Variants in NRXN3 observed in about 807,000 individuals in gnomAD.
NRXN3 encodes neurexin 3, also known as neurexin III.
Under a neutral mutation model 137.6 loss-of-function variants are expected in NRXN3, and 32 were observed. That is an observed-to-expected ratio of 0.23 (90% CI 0.18 to 0.31). NRXN3 has a LOEUF of 0.31. Ranked by LOEUF, NRXN3 falls within the 10% of genes least tolerant of loss-of-function variation. The probability of loss-of-function intolerance (pLI) is 1.00; values close to 1 mark genes in which losing one functional copy is unlikely to be tolerated. For synonymous variants in NRXN3, 798 were observed against 784.5 expected, an observed-to-expected ratio of 1.02 and a Z score of -0.29; for missense variants, 1,574 against 2,062.5, an observed-to-expected ratio of 0.76 and a Z score of 4.59.
intron 6 of NRXN3, among the ~76,000 whole-genome samples, chr14:78,663,566 T>C (rs149069471): frequency 3.2e-4 from 48 of 152,350 alleles, no homozygotes; most frequent in Non-Finnish European, 5.6e-4. Flanking sequence ...TGTTTCTTTT[T>C]GTTCCAGCCT....
chr14:78,645,151 C>T lies in NRXN3; in HGVS notation c.789C>T (p.Gly263=), dbSNP rs200404474. ...AREENVATFR[G]SEYLCYDLSQ... ...AGGAGAATGTGGCCACTTTCCGAGG[C>T]TCAGAGTATCTGTGCTACGACCTGT... Residue 263 remains glycine, a synonymous_variant, in exon 5 of 21, where the codon GGC becomes GGT. Coordinates refer to ENST00000335750, the MANE Select transcript of NRXN3 (RefSeq NM_001330195.2). The T allele has an allele frequency of 6.3e-7, 1 of 1,579,580 alleles. No individual in the cohort carries two copies. The highest frequency in any genetic ancestry group is 1.1e-5 in the South Asian group (1 of 88,346).
intron 4 of NRXN3, among the ~76,000 whole-genome samples, chr14:78,398,737 G>T (rs144668362): frequency 6.4e-4 from 97 of 152,316 alleles, no homozygotes; most frequent in African/African-American, 2.2e-3. Context: ...ACCCCGAGGG[G>T]ATGGGGAGTG....
At chr14:79,706,039 A>G (rs2098777262) in intron 19 of NRXN3, among the ~76,000 whole-genome samples, 1 of 152,148 alleles carries the variant, frequency 6.6e-6, no homozygotes, top group Non-Finnish European at 1.5e-5. Context: ...CACAATATTT[A>G]CAGGCTGAAT....
intron 15 of NRXN3, among the ~76,000 whole-genome samples, chr14:79,294,217 A>G (rs1187557205): frequency 6.6e-6 from 1 of 152,186 alleles, no homozygotes; most frequent in African/African-American, 2.4e-5. Context: ...ATTTTCTCGC[A>G]CACATTAGGT....
At chr14:79,066,045 GTT>G (rs1437057376) in intron 15 of NRXN3, among the ~76,000 whole-genome samples, 5 of 152,076 alleles carry the variant, frequency 3.3e-5, no homozygotes, top group Non-Finnish European at 7.4e-5. Flanking sequence ...TGCTTTTGGC[GTT>G]TTTGTCATGA....
intron 4 of NRXN3, among the ~76,000 whole-genome samples, chr14:78,606,578 A>G (rs1004920233): frequency 3.9e-5 from 6 of 152,226 alleles, no homozygotes; most frequent in African/African-American, 1.4e-4. Flanking sequence ...GAACTTCTTA[A>G]GTGAAAAGCC....
intron 10 of NRXN3, among the ~76,000 whole-genome samples, chr14:78,920,508 A>G (rs779305412): frequency 2.0e-4 from 31 of 152,150 alleles, no homozygotes; most frequent in Non-Finnish European, 3.8e-4. Context: ...CACTTCTCCA[A>G]TTCTCTGACA....
Position 79,516,098 on chromosome 14 carries a change from G to T in NRXN3, c.3444+48696G>T, listed in dbSNP as rs560180730. On this transcript the variant is annotated intron_variant, in intron 16 of 20. Coordinates refer to ENST00000335750, the MANE Select transcript of NRXN3 (RefSeq NM_001330195.2). ...AGGACTCCAGTGAGCCACAGCTCTG[G>T]CTCTTTTCCTCTGGGGCACTACAAA... 6.0e-4 allele frequency among the ~76,000 whole-genome samples: 91 copies of T among 152,284 alleles called. 1 individual carries two copies. The highest frequency in any genetic ancestry group is 2.0e-3 in the African/African-American group (84 of 41,572).
At chr14:79,306,373 C>T (rs559350305) in intron 15 of NRXN3, among the ~76,000 whole-genome samples, 3 of 152,164 alleles carry the variant, frequency 2.0e-5, no homozygotes, top group South Asian at 2.1e-4. Context: ...CCCTCAACAT[C>T]GTGCACCTTG....
At chr14:78,765,078 T>G (rs571348774) in intron 8 of NRXN3, among the ~76,000 whole-genome samples, 50 of 144,604 alleles carry the variant, frequency 3.5e-4, no homozygotes, top group South Asian at 8.7e-4. Context: ...TATGGTCACC[T>G]CTGTAGAGGA....
chr14:78,418,512 T>C (rs1339510982), intron 4 of NRXN3, among the ~76,000 whole-genome samples: 2 of 152,138 alleles, frequency 1.3e-5, no homozygotes, highest in East Asian at 3.9e-4. Flanking sequence ...GCCTAGAACA[T>C]GGGACTCCCC....
intron 14 of NRXN3, among the ~76,000 whole-genome samples, chr14:78,987,202 T>C (rs1165662710): frequency 1.3e-5 from 2 of 152,082 alleles, no homozygotes; most frequent in African/African-American, 4.8e-5. Flanking sequence ...TCCAAGCGTT[T>C]GCATTCCTGA....
intron 15 of NRXN3, among the ~76,000 whole-genome samples, chr14:79,036,881 C>T (rs1415050249): frequency 1.3e-5 from 2 of 151,660 alleles, no homozygotes; most frequent in Admixed American, 6.6e-5. Context: ...GGGTTAATTT[C>T]GATGTACCTT....
chr14:78,360,427 G>A (rs1231921805), intron 4 of NRXN3, among the ~76,000 whole-genome samples: 1 of 152,176 alleles, frequency 6.6e-6, no homozygotes, highest in African/African-American at 2.4e-5. Context: ...TTTAACATAA[G>A]GTGTTTGCTT....
intron 8 of NRXN3, among the ~76,000 whole-genome samples, chr14:78,782,137 C>A (rs1595813705): frequency 1.3e-5 from 2 of 152,170 alleles, no homozygotes; most frequent in African/African-American, 4.8e-5. Context: ...GCAGGCCTCA[C>A]CTCCCAGAGC....
intron 9 of NRXN3, among the ~76,000 whole-genome samples, chr14:78,808,610 G>A (rs7161287): frequency 0.07 from 10,566 of 151,970 alleles, 570 homozygotes; most frequent in Non-Finnish European, 0.11. Context: ...TAATCATACC[G>A]GTTGCTCCAG....
chr14:78,733,600 G>A (rs1595313904), intron 8 of NRXN3, among the ~76,000 whole-genome samples: 1 of 152,130 alleles, frequency 6.6e-6, no homozygotes, highest in South Asian at 2.1e-4. Flanking sequence ...GTCTCCCAGA[G>A]AGAAAATATT....
At chr14:78,823,788 C>A (rs1596245073) in intron 10 of NRXN3, among the ~76,000 whole-genome samples, 1 of 151,946 alleles carries the variant, frequency 6.6e-6, no homozygotes, top group African/African-American at 2.4e-5. Context: ...CGGAGGAGAA[C>A]CATGCAAATG....
At chr14:79,683,545 A>G (rs879481629) in intron 17 of NRXN3, among the ~76,000 whole-genome samples, 4 of 152,224 alleles carry the variant, frequency 2.6e-5, no homozygotes, top group Admixed American at 6.5e-5. Context: ...GTTACACTGT[A>G]AAGTTTGAGG....
Sources: gnomAD v4.1 joint callset for allele counts (sites outside exome capture counted in the v4.1 genomes callset) on GRCh38, gnomAD v4.1.1 for gene constraint, MANE v1.5 for transcripts, NCBI Gene and HGNC (gene_info 2026-07-23, HGNC 2026-07-21) for gene names.